Variants in ADCY5 observed in about 807,000 individuals in gnomAD.
ADCY5 encodes adenylate cyclase 5.
A neutral mutation model predicts 119.7 loss-of-function variants in ADCY5; 30 were observed. The observed-to-expected ratio is 0.25, with a 90% confidence interval of 0.19 to 0.34. ADCY5 has a LOEUF of 0.34. Ranked by LOEUF, ADCY5 falls within the 10% of genes least tolerant of loss-of-function variation. The probability of loss-of-function intolerance (pLI) is 1.00; values close to 1 mark genes in which losing one functional copy is unlikely to be tolerated. For missense variants in ADCY5, 1,324 were observed against 1,775.2 expected (o/e 0.75, Z 4.57); for synonymous variants, 753 against 762.2 (o/e 0.99, Z 0.20).
intron 1 of ADCY5, among the ~76,000 whole-genome samples, chr3:123,440,622 G>A (rs552771313): frequency 1.3e-5 from 2 of 151,794 alleles, no homozygotes; most frequent in East Asian, 1.9e-4. Flanking sequence ...CTTCCCCATC[G>A]CCTGTCTTGC....
intron 13 of ADCY5, 61 bp downstream of exon 13, chr3:123,304,006 G>C: frequency 8.5e-7 from 1 of 1,177,232 alleles, no homozygotes; most frequent in East Asian, 2.4e-5. Context: ...CGGGTACATG[G>C]CTCCACTGGG....
chr3:123,347,077 G>T (rs1178312593), intron 3 of ADCY5, among the ~76,000 whole-genome samples: 1 of 152,094 alleles, frequency 6.6e-6, no homozygotes, highest in Non-Finnish European at 1.5e-5. Context: ...CGGGGACCTT[G>T]AGCCCTTGAG....
intron 1 of ADCY5, among the ~76,000 whole-genome samples, chr3:123,409,461 G>A (rs1392103426): frequency 6.6e-6 from 1 of 152,176 alleles, no homozygotes; most frequent in East Asian, 1.9e-4. Flanking sequence ...GGGTCTAAAG[G>A]TGGGATGCAG....
chr3:123,374,720 TGG>T (rs1451383342), intron 1 of ADCY5, among the ~76,000 whole-genome samples: 3 of 147,966 alleles, frequency 2.0e-5, no homozygotes, highest in Non-Finnish European at 4.5e-5. Context: ...GTCTGGAGGC[TGG>T]GTCTGCAGAC....
In ADCY5 at chr3:123,291,351, T is replaced by A. The variant is rs1323438872; in HGVS notation, c.3089A>T (p.Glu1030Val). ...LQATEEKEEM[E>V]ELQAYNRRLL... The stretch of plus-strand genomic sequence containing the variant: ...CCGCCGGTTGTAGGCCTGCAGCTCC[T>A]CCATCTCCTCTTTCTCCTCTGTGGC... Residue 1030 changes from glutamate to valine, a missense_variant, in exon 18 of 21, where the codon GAG becomes GTG. By Grantham distance (121) the Glu-to-Val change is moderately radical. Coordinates refer to ENST00000462833, the MANE Select transcript of ADCY5 (RefSeq NM_183357.3). 6 of 1,613,252 alleles carry A rather than the reference T, an allele frequency of 3.7e-6. No homozygotes were observed.
At chr3:123,294,453 A>G (rs1360835156) in intron 17 of ADCY5, among the ~76,000 whole-genome samples, 1 of 152,256 alleles carries the variant, frequency 6.6e-6, no homozygotes, top group Non-Finnish European at 1.5e-5. Flanking sequence ...GCAGGCCATC[A>G]GGGCTGACAT....
rs879092236 is a variant in ADCY5 at position 123,347,673 on chromosome 3, G to T, written c.1406+109C>A. ...CATGCTCTAGATGACACACTCCAAA[G>T]TCACCAAGCCACCCTGTCGGGCTGT... On this transcript the variant is annotated intron_variant, in intron 3 of 20. Transcript: ENST00000462833. 47 of 1,447,880 alleles carry T rather than the reference G, an allele frequency of 3.2e-5. 1 individual carries two copies. The South Asian group carries it at 5.9e-4, about 18-fold the overall frequency. 89.7% of individuals were successfully genotyped at this position (1,447,880 alleles called of 1,614,324 possible).
At chr3:123,306,284 G>A (rs1054999764) in intron 12 of ADCY5, among the ~76,000 whole-genome samples, 1 of 152,198 alleles carries the variant, frequency 6.6e-6, no homozygotes, top group Admixed American at 6.5e-5. Context: ...AATGGTGAAA[G>A]GACAGTCTTT....
chr3:123,389,528 C>T (rs1576655403), intron 1 of ADCY5, among the ~76,000 whole-genome samples: 1 of 152,000 alleles, frequency 6.6e-6, no homozygotes, highest in Admixed American at 6.6e-5. Flanking sequence ...ACCCCTGCTG[C>T]GAGCACACAC....
intron 15 of ADCY5, among the ~76,000 whole-genome samples, chr3:123,298,660 A>AT (rs1417731875): frequency 6.6e-6 from 1 of 152,040 alleles, no homozygotes; most frequent in African/African-American, 2.4e-5. Context: ...AGAGTTTTCT[A>AT]TTTATCCACA....
Position 123,412,311 on chromosome 3 carries a change from G to T in ADCY5, c.1134+35101C>A, listed in dbSNP as rs72966555. Reference sequence around the variant, plus strand: ...GGTATTCGCCCCAACAGGAGACAGGGTGTGGTGGGAGAAGTAAGAACAGAC... The same window carrying T: ...GGTATTCGCCCCAACAGGAGACAGGTTGTGGTGGGAGAAGTAAGAACAGAC... On this transcript the variant is annotated intron_variant, in intron 1 of 20. Coordinates refer to ENST00000462833, the MANE Select transcript of ADCY5 (RefSeq NM_183357.3). 3.0e-3 allele frequency among the ~76,000 whole-genome samples: 458 copies of T among 152,336 alleles called. 4 individuals carry two copies. Among genetic ancestry groups the T allele is most frequent in the African/African-American group, 0.011 (440 of 41,578 alleles).
intron 1 of ADCY5, among the ~76,000 whole-genome samples, chr3:123,375,975 T>A (rs1465036180): frequency 6.9e-6 from 1 of 145,318 alleles, no homozygotes; most frequent in Non-Finnish European, 1.5e-5. Context: ...ATGGTACTGA[T>A]GGTGATGAGG....
intron 1 of ADCY5, among the ~76,000 whole-genome samples, chr3:123,356,370 A>T (rs2108509695): frequency 6.6e-6 from 1 of 152,358 alleles, no homozygotes; most frequent in Admixed American, 6.5e-5. Context: ...CAACCCACGG[A>T]ATGGGGAAAA....
At chr3:123,287,196 A>T (rs923353122) in intron 19 of ADCY5, 15 of 166,830 alleles carry the variant, frequency 9.0e-5, no homozygotes, top group African/African-American at 3.6e-4. Context: ...TCACTCTTAG[A>T]TCCTGCCCAA....
At chr3:123,295,428 C>T (rs574748070) in intron 17 of ADCY5, among the ~76,000 whole-genome samples, 20 of 152,356 alleles carry the variant, frequency 1.3e-4, no homozygotes, top group South Asian at 4.1e-4. Flanking sequence ...CTGGCCCTTC[C>T]GAGATGCTCC....
At chr3:123,409,365 C>T (rs1944986674) in intron 1 of ADCY5, among the ~76,000 whole-genome samples, 1 of 152,142 alleles carries the variant, frequency 6.6e-6, no homozygotes, top group African/African-American at 2.4e-5. Context: ...GGCCATGAAA[C>T]CAGGTAGCAT....
intron 11 of ADCY5, 81 bp from the exon 12 acceptor site, chr3:123,314,403 GGCCA>G: frequency 8.9e-7 from 1 of 1,125,500 alleles, no homozygotes; most frequent in Non-Finnish European, 1.3e-6. Flanking sequence ...CTGGCAAGCA[GGCCA>G]CAGGTCCCCC....
At chr3:123,367,593 G>T (rs546541436) in intron 1 of ADCY5, among the ~76,000 whole-genome samples, 139 of 152,250 alleles carry the variant, frequency 9.1e-4, no homozygotes, top group African/African-American at 3.2e-3. Flanking sequence ...ATTGTTTCCT[G>T]TGAGTAGTGG....
intron 1 of ADCY5, among the ~76,000 whole-genome samples, chr3:123,415,790 T>G (rs974852503): frequency 6.6e-6 from 1 of 152,178 alleles, no homozygotes; most frequent in Admixed American, 6.5e-5. Context: ...TGAGCATCTT[T>G]AGTGGACCCA....
Sources: allele counts gnomAD v4.1 joint callset (sites outside exome capture counted in the v4.1 genomes callset), GRCh38; gene constraint gnomAD v4.1.1; transcripts MANE v1.5; gene names NCBI Gene and HGNC (gene_info 2026-07-23, HGNC 2026-07-21).